The following CNTN6 variants were observed in gnomAD, a reference collection of about 807,000 sequenced individuals.
The protein encoded by CNTN6 is contactin-6.
In CNTN6, 137 loss-of-function variants were observed where a neutral mutation model predicts 122.8. The observed-to-expected ratio is 1.12, with a 90% CI of 0.97 to 1.29. The LOEUF is 1.29. CNTN6 is among the 50% of genes most tolerant of loss of function. CNTN6 has a pLI of 0.00. For synonymous variants in CNTN6, 570 were observed against 426.0 expected, an observed-to-expected ratio of 1.34 and a Z score of -4.16; for missense variants, 1,634 against 1,223.4, an observed-to-expected ratio of 1.34 and a Z score of -5.01.
At chr3:1,303,195 A>G (rs1048326940) in intron 7 of CNTN6, among the ~76,000 whole-genome samples, 3 of 137,998 alleles carry the variant, frequency 2.2e-5, no homozygotes, top group East Asian at 2.4e-4. Flanking sequence ...TATATTAATT[A>G]TAGTAATTCA....
intron 2 of CNTN6, among the ~76,000 whole-genome samples, chr3:1,211,923 A>G (rs1415133505): frequency 6.6e-6 from 1 of 152,126 alleles, no homozygotes; most frequent in African/African-American, 2.4e-5. Flanking sequence ...GCCTTTAAGG[A>G]TCTCCACAGT....
intron 7 of CNTN6, among the ~76,000 whole-genome samples, chr3:1,318,350 CA>C (rs1229847013): frequency 6.6e-6 from 1 of 151,222 alleles, no homozygotes; most frequent in African/African-American, 2.4e-5. Flanking sequence ...CATTCATGTT[CA>C]ATTCTCTAGA....
At chr3:1,135,284 CCA>C (rs1254664269) in intron 1 of CNTN6, among the ~76,000 whole-genome samples, 1 of 152,076 alleles carries the variant, frequency 6.6e-6, no homozygotes, top group East Asian at 1.9e-4. Flanking sequence ...TGACAGGCAA[CCA>C]CATTTTCCTC....
chr3:1,214,864 C>G (rs1040971302), intron 2 of CNTN6, among the ~76,000 whole-genome samples: 1 of 152,064 alleles, frequency 6.6e-6, no homozygotes, highest in Non-Finnish European at 1.5e-5. Flanking sequence ...TCAAGTGATT[C>G]TCTCACTTCG....
At chr3:1,388,690 A>G (rs1297778573) in intron 20 of CNTN6, among the ~76,000 whole-genome samples, 12 of 146,990 alleles carry the variant, frequency 8.2e-5, no homozygotes, top group Middle Eastern at 3.4e-3. Flanking sequence ...ATGTATAACT[A>G]GAATAACCAA....
chr3:1,380,783 T>G (rs1575968319), intron 17 of CNTN6, among the ~76,000 whole-genome samples: 1 of 152,186 alleles, frequency 6.6e-6, no homozygotes, highest in Admixed American at 6.5e-5. Flanking sequence ...TGGCTAGAAG[T>G]ACATAGTTTT....
intron 7 of CNTN6, among the ~76,000 whole-genome samples, chr3:1,312,348 G>T (rs1218593783): frequency 6.6e-6 from 1 of 151,238 alleles, no homozygotes; most frequent in Non-Finnish European, 1.5e-5. Context: ...GTATATTTCT[G>T]GAAGCAACTC....
At chr3:1,262,772 A>T (rs1381415527) in intron 4 of CNTN6, among the ~76,000 whole-genome samples, 1 of 152,082 alleles carries the variant, frequency 6.6e-6, no homozygotes, top group African/African-American at 2.4e-5. Flanking sequence ...CATTTCTGGG[A>T]TTTAGCATTT....
In CNTN6 at chr3:1,374,068, C is replaced by T; in HGVS notation, c.2090C>T (p.Ala697Val). Reference protein sequence around the residue: ...SEPSELLRTKASVPVVAPVNI... With the variant: ...SEPSELLRTKVSVPVVAPVNI... ...CCATCAGAATTGTTAAGAACTAAAG[C>T]ATCAGGTAAAGAATCAATGTGTTCT... The change falls in exon 16 of 23, where the codon GCA (alanine) becomes GTA (valine). Residue 697 changes from alanine (A) to valine (V), a missense_variant. Physicochemically the swap from Ala to Val is moderately conservative, Grantham distance 64. Transcript: ENST00000446702. 6.2e-7 allele frequency: 1 copy of T among 1,612,158 alleles called. No individual in the cohort carries two copies. Among genetic ancestry groups the T allele is most frequent in the Non-Finnish European group, 8.5e-7 (1 of 1,178,644 alleles).
At chr3:1,284,316 T>C (rs1162312568) in intron 5 of CNTN6, among the ~76,000 whole-genome samples, 2 of 152,196 alleles carry the variant, frequency 1.3e-5, no homozygotes, top group Non-Finnish European at 2.9e-5. Context: ...GAGAAAAAAG[T>C]GCTAAAACTT....
intron 2 of CNTN6, among the ~76,000 whole-genome samples, chr3:1,163,449 C>G (rs892364457): frequency 6.6e-6 from 1 of 152,182 alleles, no homozygotes; most frequent in Non-Finnish European, 1.5e-5. Context: ...TTTGGTTCTG[C>G]CAGTCAGGCT....
intron 7 of CNTN6, among the ~76,000 whole-genome samples, chr3:1,315,248 CA>C (rs1371242828): frequency 6.6e-6 from 1 of 151,914 alleles, no homozygotes. Context: ...TATCTTGAAG[CA>C]AAACGAACTC....
chr3:1,379,308 C>G (rs1045372047), intron 17 of CNTN6, among the ~76,000 whole-genome samples: 2 of 152,168 alleles, frequency 1.3e-5, no homozygotes, highest in African/African-American at 4.8e-5. Context: ...CCACCCATAG[C>G]TACATCCATT....
rs1559595858 is a variant in CNTN6 at position 1,245,233 on chromosome 3, TATACAC to T, written c.358+17242_358+17247del. On this transcript the variant is annotated intron_variant, in intron 4 of 22. Coordinates refer to ENST00000446702, the MANE Select transcript of CNTN6 (RefSeq NM_001289080.2). ...ATATATATATATATATATATATATATATACACACACACATATATATATAACATATAT... is the reference window on the plus strand; with the variant it reads ...ATATATATATATATATATATATATATACACACATATATATATAACATATAT... Among the ~76,000 whole-genome samples the T allele has an allele frequency of 1.3e-3, 12 of 9,018 alleles. 1 individual carries two copies. The highest frequency in any genetic ancestry group is 6.9e-3 in the African/African-American group (12 of 1,746). 5.9% of individuals were successfully genotyped at this position (9,018 alleles called of 152,430 possible).
At chr3:1,364,626 GTATT>G (rs1465636263) in intron 12 of CNTN6, among the ~76,000 whole-genome samples, 7 of 151,894 alleles carry the variant, frequency 4.6e-5, no homozygotes, top group Non-Finnish European at 1.0e-4. Flanking sequence ...AGGTAAGAGT[GTATT>G]TATTTGGCCA....
At chr3:1,111,356 C>G (rs2091471913) in intron 1 of CNTN6, among the ~76,000 whole-genome samples, 1 of 152,118 alleles carries the variant, frequency 6.6e-6, no homozygotes, top group African/African-American at 2.4e-5. Context: ...GTACTTTAGG[C>G]TAACGTATTT....
rs753246254 is a variant in CNTN6 at position 1,382,987 on chromosome 3, A to G, written c.2212A>G (p.Ile738Val). ...LQNGEGFGYIIMFRPVGSTTW... is the reference protein window; with the variant it reads ...LQNGEGFGYIVMFRPVGSTTW... ...GAATGGGGAGGGATTTGGATATATCATCATGTTCCGGCCAGTGGGCTCGAC... is the reference window on the plus strand; with the variant it reads ...GAATGGGGAGGGATTTGGATATATCGTCATGTTCCGGCCAGTGGGCTCGAC... Residue 738 changes from isoleucine (I) to valine (V), a missense_variant, in exon 18 of 23, where the codon ATC becomes GTC. By Grantham distance (29) the Ile-to-Val change is conservative. Coordinates refer to ENST00000446702, the MANE Select transcript of CNTN6 (RefSeq NM_001289080.2). The G allele has an allele frequency of 3.1e-6, 5 of 1,614,006 alleles. No individual in the cohort carries two copies. Among genetic ancestry groups the G allele is most frequent in the Non-Finnish European group, 4.2e-6 (5 of 1,179,958 alleles).
chr3:1,149,302 A>G (rs1213835645), intron 2 of CNTN6, among the ~76,000 whole-genome samples: 1 of 152,200 alleles, frequency 6.6e-6, no homozygotes, highest in Non-Finnish European at 1.5e-5. Context: ...CCTCTCTTCT[A>G]CCATACCATG....
chr3:1,384,833 C>CCATAAT (rs1692617584), intron 19 of CNTN6, among the ~76,000 whole-genome samples: 3 of 124,890 alleles, frequency 2.4e-5, no homozygotes, highest in Non-Finnish European at 3.3e-5. Flanking sequence ...ATATATATAA[C>CCATAAT]CATAATCCTC....
Sources: gnomAD v4.1 joint callset for allele counts (sites outside exome capture counted in the v4.1 genomes callset) on GRCh38, gnomAD v4.1.1 for gene constraint, MANE v1.5 for transcripts, NCBI Gene and HGNC (gene_info 2026-07-23, HGNC 2026-07-21) for gene names.